The following GFPT1 variants were observed in gnomAD, a reference collection of about 807,000 sequenced individuals.
GFPT1 encodes the protein glutamine--fructose-6-phosphate transaminase 1, also known as glutamine--fructose-6-phosphate aminotransferase [isomerizing] 1.
GFPT1 carries 40 observed loss-of-function variants against 92.0 expected under a neutral mutation model. The observed-to-expected ratio is 0.43, with a 90% CI of 0.34 to 0.57. The LOEUF (loss-of-function observed/expected upper bound fraction) is 0.57. Ranked by LOEUF, GFPT1 falls within the 20% of genes least tolerant of loss-of-function variation. GFPT1 has a pLI of 0.02. For synonymous variants in GFPT1, 269 were observed against 280.6 expected (o/e 0.96, Z 0.41); for missense variants, 448 against 869.1 (o/e 0.52, Z 6.09).
chr2:69,322,587 T>A lies in GFPT1; in HGVS notation c.*3602A>T, dbSNP rs539485773. On this transcript the variant is annotated 3_prime_UTR_variant, in exon 20 of 20. Coordinates refer to ENST00000357308, the MANE Select transcript of GFPT1 (RefSeq NM_001244710.2). ...CTCAGAACTAACTCAAGACAAGAGATCTGTATTCAAAAAGATAAAACAATC... is the reference window on the plus strand; with the variant it reads ...CTCAGAACTAACTCAAGACAAGAGAACTGTATTCAAAAAGATAAAACAATC... 6.6e-5 allele frequency: 10 copies of A among 152,272 alleles called. No individual in the cohort carries two copies. The highest frequency in any genetic ancestry group is 2.2e-4 in the African/African-American group (9 of 41,564). The allele number at this position is 152,272 out of a possible 1,614,324, so 9.4% of individuals were successfully genotyped here.
intron 14 of GFPT1, among the ~76,000 whole-genome samples, 153 bp downstream of exon 14, chr2:69,338,292 T>C (rs1670852447): frequency 6.6e-6 from 1 of 152,230 alleles, no homozygotes; most frequent in Non-Finnish European, 1.5e-5. Context: ...TTTTTACTAA[T>C]TCATAAAGAA....
At position 69,356,604 on chromosome 2, in the gene GFPT1, G is replaced by C. The variant is rs1360017687; in HGVS notation, c.544-47C>G. On this transcript the variant is annotated intron_variant, in intron 6 of 19. Transcript: ENST00000357308. ...TTAGCACTATTTAATCAATTATCAA[G>C]TCAGAAATGCCTAGAACATACTGGC... is the stretch of plus-strand genomic sequence containing the variant. The C allele has an allele frequency of 3.7e-6, 5 of 1,339,518 alleles. No individual in the cohort carries two copies. The Admixed American group carries it at 8.4e-5, about 22-fold the overall frequency. The allele number at this position is 1,339,518 out of a possible 1,614,324, so 83.0% of individuals were successfully genotyped here. A position where few individuals can be genotyped will look rare whatever the true frequency, so the allele number is the denominator to read the frequency against.
intron 1 of GFPT1, among the ~76,000 whole-genome samples, chr2:69,377,069 A>T (rs1287440024): frequency 6.6e-6 from 1 of 152,020 alleles, no homozygotes; most frequent in Non-Finnish European, 1.5e-5. Flanking sequence ...TTAGCCAGGC[A>T]TGATGGCAGG....
At chr2:69,370,251 C>A in intron 2 of GFPT1, 143 bp from the exon 3 acceptor site, 1 of 666,270 alleles carries the variant, frequency 1.5e-6, no homozygotes, top group Non-Finnish European at 2.7e-6. Context: ...TACTGAAAAC[C>A]TATTGTGTGT....
chr2:69,376,523 G>GA (rs11464823), intron 1 of GFPT1, among the ~76,000 whole-genome samples: 83,853 of 144,726 alleles, frequency 0.58, 23,993 homozygotes, highest in African/African-American at 0.63. Flanking sequence ...CATCTCAAAA[G>GA]AAAAAAAAAA....
rs1429455701 is a variant in GFPT1 at position 69,323,291 on chromosome 2, AT to A, written c.*2897del. The stretch of plus-strand genomic sequence containing the variant: ...AATGTACTACAAGAAAGAACTTTTT[AT>A]ATGAAGGATTCTTTATGTAGAGTAT... On this transcript the variant is annotated 3_prime_UTR_variant, in exon 20 of 20. Transcript: ENST00000357308. 2 of 152,218 alleles carry A rather than the reference AT, an allele frequency of 1.3e-5. No homozygotes were observed. Among genetic ancestry groups the A allele is most frequent in the African/African-American group, 2.4e-5 (1 of 41,458 alleles). 9.4% of individuals were successfully genotyped at this position (152,218 alleles called of 1,614,324 possible). A position where few individuals can be genotyped will look rare whatever the true frequency, so the allele number is the denominator to read the frequency against.
chr2:69,372,571 CAA>C (rs771508880), intron 2 of GFPT1, among the ~76,000 whole-genome samples: 1 of 136,720 alleles, frequency 7.3e-6, no homozygotes, highest in African/African-American at 2.7e-5. Flanking sequence ...AGACTCACCT[CAA>C]AAAAAAAAAG....
chr2:69,370,274 T>G (rs1028761228), intron 2 of GFPT1, among the ~76,000 whole-genome samples, 166 bp from the exon 3 acceptor site: 1 of 152,200 alleles, frequency 6.6e-6, no homozygotes, highest in Non-Finnish European at 1.5e-5. Context: ...AGAACCAGGA[T>G]AGCTGCTAGA....
At chr2:69,375,711 C>T (rs1006681756) in intron 1 of GFPT1, among the ~76,000 whole-genome samples, 1 of 152,138 alleles carries the variant, frequency 6.6e-6, no homozygotes, top group Admixed American at 6.5e-5. Flanking sequence ...ACTTTCACAG[C>T]ACCACCACCC....
chr2:69,367,978 G>A (rs529179220), intron 3 of GFPT1, among the ~76,000 whole-genome samples: 2 of 152,366 alleles, frequency 1.3e-5, no homozygotes, highest in African/African-American at 4.8e-5. Context: ...GCCAGGTGCA[G>A]TGGTTCAAGC....
At chr2:69,340,434 A>C (rs34846508) in intron 13 of GFPT1, among the ~76,000 whole-genome samples, 2 of 152,186 alleles carry the variant, frequency 1.3e-5, no homozygotes, top group Non-Finnish European at 2.9e-5. Flanking sequence ...AGAAAATTAA[A>C]ATTTTGAAAA....
chr2:69,340,335 C>T (rs1473502569), intron 13 of GFPT1, among the ~76,000 whole-genome samples: 1 of 151,906 alleles, frequency 6.6e-6, no homozygotes, highest in Non-Finnish European at 1.5e-5. Context: ...CTGCGAACAA[C>T]TTTTTATAAA....
chr2:69,342,712 G>C (rs768876151), intron 12 of GFPT1, among the ~76,000 whole-genome samples: 4 of 152,144 alleles, frequency 2.6e-5, no homozygotes, highest in Non-Finnish European at 4.4e-5. Flanking sequence ...CTATGTTGTA[G>C]AGGTTTGTCA....
Position 69,344,296 on chromosome 2 carries a change from T to C in GFPT1, c.1105+1608A>G, listed in dbSNP as rs1253382129. Among the ~76,000 whole-genome samples the C allele has an allele frequency of 9.9e-5, 15 of 151,184 alleles. 1 individual carries two copies. Among genetic ancestry groups the C allele is most frequent in the South Asian group, 6.3e-4 (3 of 4,782 alleles). ...AGACAGTGAGATTAGCTGGCCACGG[T>C]TGTTTCCTTAAAATTAGTCCTAGAA... On this transcript the variant is annotated intron_variant, in intron 12 of 19. Coordinates refer to ENST00000357308, the MANE Select transcript of GFPT1 (RefSeq NM_001244710.2).
intron 1 of GFPT1, among the ~76,000 whole-genome samples, chr2:69,385,029 C>G (rs1310449882): frequency 6.6e-6 from 1 of 152,022 alleles, no homozygotes; most frequent in Non-Finnish European, 1.5e-5. Context: ...CAGGCAAAAC[C>G]GTGGTATGAC....
intron 4 of GFPT1, among the ~76,000 whole-genome samples, chr2:69,362,267 T>C (rs1671493885): frequency 1.3e-5 from 2 of 152,066 alleles, no homozygotes; most frequent in Non-Finnish European, 2.9e-5. Flanking sequence ...TAGCTGGGAC[T>C]ATGGGCGCAT....
At chr2:69,376,356 C>T (rs1257223789) in intron 1 of GFPT1, among the ~76,000 whole-genome samples, 3 of 152,052 alleles carry the variant, frequency 2.0e-5, no homozygotes, top group Admixed American at 6.5e-5. Flanking sequence ...ACTAAAAATA[C>T]AAAAATTGGC....
chr2:69,364,541 T>G (rs1671560506), intron 3 of GFPT1, among the ~76,000 whole-genome samples: 1 of 152,254 alleles, frequency 6.6e-6, no homozygotes, highest in Non-Finnish European at 1.5e-5. Flanking sequence ...ACCTTATGAC[T>G]GCAATTTCTT....
chr2:69,373,420 C>T (rs1414963216), intron 2 of GFPT1, among the ~76,000 whole-genome samples: 1 of 152,088 alleles, frequency 6.6e-6, no homozygotes, highest in Admixed American at 6.6e-5. Context: ...AGTTTGAGAC[C>T]AGCCCAGGCA....
Sources: allele counts gnomAD v4.1 joint callset (sites outside exome capture counted in the v4.1 genomes callset), GRCh38; gene constraint gnomAD v4.1.1; transcripts MANE v1.5; gene names NCBI Gene and HGNC (gene_info 2026-07-23, HGNC 2026-07-21).